Variants in PTPRT observed in about 807,000 individuals in gnomAD.
PTPRT encodes the protein receptor-type tyrosine-protein phosphatase T.
PTPRT carries 56 observed loss-of-function variants against 176.8 expected under a neutral mutation model. That is an observed-to-expected ratio of 0.32 (90% confidence interval 0.26 to 0.40). The LOEUF (loss-of-function observed/expected upper bound fraction) is 0.40. Ranked by LOEUF, PTPRT falls within the 10% of genes least tolerant of loss-of-function variation. The pLI is 1.00. For missense variants in PTPRT, 1,540 were observed against 1,908.2 expected (o/e 0.81, Z 3.60); for synonymous variants, 783 against 739.0 (o/e 1.06, Z -0.96).
At chr20:42,965,940 AG>A (rs1982266888) in intron 1 of PTPRT, among the ~76,000 whole-genome samples, 1 of 152,254 alleles carries the variant, frequency 6.6e-6, no homozygotes, top group South Asian at 2.1e-4. Context: ...TTAATCTTAA[AG>A]ACATTACAAA....
chr20:43,035,545 C>G (rs1986342594), intron 1 of PTPRT, among the ~76,000 whole-genome samples: 1 of 152,186 alleles, frequency 6.6e-6, no homozygotes, highest in African/African-American at 2.4e-5. Context: ...TTCTAGAGGA[C>G]AAGAGTTCTG....
Position 42,074,364 on chromosome 20 carries a change from T to G in PTPRT, c.*6515A>C, listed in dbSNP as rs538572115. 4.2e-6 allele frequency: 1 copy of G among 237,950 alleles called. No individual in the cohort carries two copies. The highest frequency in any genetic ancestry group is 1.8e-4 in the South Asian group (1 of 5,554). 14.7% of individuals were successfully genotyped at this position (237,950 alleles called of 1,614,324 possible). ...GTGGTTTACTTCCTATGACCCTTTC[T>G]CCTCCACATCCAAGAGTCCTGCTCA... On this transcript the variant is annotated 3_prime_UTR_variant, in exon 31 of 31. Coordinates refer to ENST00000373187, the MANE Select transcript of PTPRT (RefSeq NM_007050.6).
intron 6 of PTPRT, among the ~76,000 whole-genome samples, chr20:42,725,885 G>T (rs1229096945): frequency 6.6e-6 from 1 of 151,752 alleles, no homozygotes; most frequent in Non-Finnish European, 1.5e-5. Context: ...CACAAACTCT[G>T]ACTCTGACCA....
In PTPRT at chr20:42,161,609, C is replaced by T. The variant is rs911616422; in HGVS notation, c.2492-67G>A. On this transcript the variant is annotated intron_variant, in intron 16 of 30. Transcript: ENST00000373187. The stretch of plus-strand genomic sequence containing the variant: ...GCTTTGCCCTTTGTCCTCCCTGTCT[C>T]CCCCAGCTTGGCCTGAGGAGGGCAG... 54 of 1,506,824 alleles carry T rather than the reference C, an allele frequency of 3.6e-5. No individual in the cohort carries two copies. In the East Asian group the frequency reaches 9.9e-4, roughly 28 times the overall value. 93.3% of individuals were successfully genotyped at this position (1,506,824 alleles called of 1,614,324 possible).
chr20:42,452,637 G>A (rs1373057088), intron 8 of PTPRT, among the ~76,000 whole-genome samples: 2 of 152,076 alleles, frequency 1.3e-5, no homozygotes, highest in Non-Finnish European at 2.9e-5. Flanking sequence ...ATTGAGGAGG[G>A]TGTGTCTGAT....
At chr20:42,053,227 C>A in the PTPRT span, among the ~76,000 whole-genome samples, 3 of 152,004 alleles carry the variant, frequency 2.0e-5, no homozygotes, top group African/African-American at 7.3e-5. Context: ...AGTGGCTCTG[C>A]GGTGGGATCC....
intron 2 of PTPRT, among the ~76,000 whole-genome samples, chr20:42,871,915 C>T (rs985457287): frequency 1.3e-5 from 2 of 152,180 alleles, no homozygotes; most frequent in Admixed American, 6.5e-5. Flanking sequence ...TATATGTTTG[C>T]AGCTATGATT....
intron 18 of PTPRT, among the ~76,000 whole-genome samples, chr20:42,136,312 C>G (rs1988378069): frequency 7.7e-6 from 1 of 129,160 alleles, no homozygotes; most frequent in African/African-American, 2.9e-5. Flanking sequence ...AAAACCATTT[C>G]CTACAAGTAT....
At chr20:43,091,817 G>T (rs1002179975) in intron 1 of PTPRT, among the ~76,000 whole-genome samples, 5 of 152,086 alleles carry the variant, frequency 3.3e-5, no homozygotes, top group African/African-American at 7.2e-5. Flanking sequence ...GCGTGCAATT[G>T]AACAACGGTG....
At chr20:42,482,627 C>G (rs1173626433) in intron 7 of PTPRT, among the ~76,000 whole-genome samples, 1 of 152,064 alleles carries the variant, frequency 6.6e-6, no homozygotes, top group African/African-American at 2.4e-5. Flanking sequence ...TGTAACACAT[C>G]AGATAGTAGT....
At chr20:42,157,095 C>T (rs1989388778) in intron 17 of PTPRT, among the ~76,000 whole-genome samples, 1 of 152,186 alleles carries the variant, frequency 6.6e-6, no homozygotes, top group Admixed American at 6.5e-5. Flanking sequence ...CTCTGCCACC[C>T]TGGCCTCTTT....
At chr20:42,325,230 A>C in intron 11 of PTPRT, among the ~76,000 whole-genome samples, 1 of 152,190 alleles carries the variant, frequency 6.6e-6, no homozygotes. Context: ...TGCATTCTAG[A>C]AAGTGCTCTA....
intron 7 of PTPRT, among the ~76,000 whole-genome samples, chr20:42,649,661 G>C (rs2074993067): frequency 6.6e-6 from 1 of 152,144 alleles, no homozygotes; most frequent in Non-Finnish European, 1.5e-5. Context: ...CATCTCTGGG[G>C]AGTATGGGAA....
intron 1 of PTPRT, among the ~76,000 whole-genome samples, chr20:42,992,962 G>A (rs1245725006): frequency 6.6e-6 from 1 of 152,128 alleles, no homozygotes; most frequent in Non-Finnish European, 1.5e-5. Flanking sequence ...AGTGTCTGAA[G>A]AAAGAGAACA....
chr20:42,059,922 C>T, the PTPRT span, among the ~76,000 whole-genome samples: 1 of 152,032 alleles, frequency 6.6e-6, no homozygotes, highest in Admixed American at 6.5e-5. Flanking sequence ...TTTGGTTTTC[C>T]CATACATAAA....
intron 1 of PTPRT, among the ~76,000 whole-genome samples, chr20:42,913,060 T>A (rs948222217): frequency 6.6e-6 from 1 of 151,898 alleles, no homozygotes; most frequent in African/African-American, 2.4e-5. Flanking sequence ...ATCAGTAAAA[T>A]AGAAACAATC....
intron 9 of PTPRT, among the ~76,000 whole-genome samples, chr20:42,373,480 C>A (rs2058613560): frequency 6.6e-6 from 1 of 152,172 alleles, no homozygotes; most frequent in Admixed American, 6.5e-5. Context: ...GAATCCACTC[C>A]TTTTTGATTG....
chr20:42,896,160 A>G (rs1014280894), intron 1 of PTPRT, among the ~76,000 whole-genome samples: 1 of 152,116 alleles, frequency 6.6e-6, no homozygotes, highest in East Asian at 1.9e-4. Flanking sequence ...AGATAAGGAA[A>G]CTGAGGCAGG....
intron 17 of PTPRT, among the ~76,000 whole-genome samples, chr20:42,155,709 G>C (rs1026130410): frequency 6.6e-6 from 1 of 152,086 alleles, no homozygotes; most frequent in Non-Finnish European, 1.5e-5. Flanking sequence ...TCATGCCAAC[G>C]AGAACAAGCT....
Sources: gnomAD v4.1 joint callset for allele counts (sites outside exome capture counted in the v4.1 genomes callset) on GRCh38, gnomAD v4.1.1 for gene constraint, MANE v1.5 for transcripts, NCBI Gene and HGNC (gene_info 2026-07-23, HGNC 2026-07-21) for gene names.